The following RALGDS variants were observed in gnomAD, a reference collection of about 807,000 sequenced individuals.
RALGDS encodes ral guanine nucleotide dissociation stimulator, also known as ral guanine nucleotide exchange factor.
In RALGDS, 44 loss-of-function variants were observed where a neutral mutation model predicts 99.8. The ratio of observed to expected loss-of-function variants is 0.44; its 90% CI spans 0.35 to 0.57. The LOEUF (loss-of-function observed/expected upper bound fraction) is 0.57, where lower values mean the gene tolerates loss of function less well. RALGDS is among the 20% of genes least tolerant of loss of function. RALGDS has a pLI of 0.01. For synonymous variants in RALGDS, 529 were observed against 505.0 expected, an observed-to-expected ratio of 1.05 and a Z score of -0.64; for missense variants, 1,022 against 1,203.1, an observed-to-expected ratio of 0.85 and a Z score of 2.23.
chr9:133,106,051 G>A, intron 8 of RALGDS, 35 bp from the exon 9 acceptor site: 1 of 1,531,756 alleles, frequency 6.5e-7, no homozygotes, highest in Non-Finnish European at 9.0e-7. Flanking sequence ...GAGAAAGCTG[G>A]GAATGGTAGG....
intron 1 of RALGDS, among the ~76,000 whole-genome samples, chr9:133,139,639 C>T (rs1051579984): frequency 6.6e-6 from 1 of 152,158 alleles, no homozygotes. Flanking sequence ...CTCGCCTCCT[C>T]GGGGCCGTAG....
chr9:133,139,468 C>T (rs1250127140), intron 1 of RALGDS, among the ~76,000 whole-genome samples: 1 of 152,168 alleles, frequency 6.6e-6, no homozygotes, highest in Non-Finnish European at 1.5e-5. Context: ...CACCTGCCCA[C>T]TACCCCCAGC....
At chr9:133,133,477 GC>G (rs1832377460), upstream of RALGDS, among the ~76,000 whole-genome samples, 2 of 152,190 alleles carry the variant, frequency 1.3e-5, no homozygotes, top group Admixed American at 1.3e-4. Context: ...TTCCCTGCTG[GC>G]CAGGCCGCCA....
In RALGDS at chr9:133,107,227, T is replaced by C. The variant is rs1831109117; in HGVS notation, c.1271A>G (p.Glu424Gly). 2 of 1,613,632 alleles carry C rather than the reference T, an allele frequency of 1.2e-6. No individual in the cohort carries two copies. Among genetic ancestry groups the C allele is most frequent in the African/African-American group, 1.3e-5 (1 of 74,934 alleles). Residue 424 changes from glutamate to glycine, a missense_variant, in exon 7 of 18, where the codon GAG becomes GGG. By Grantham distance (98) the Glu-to-Gly change is moderately conservative. Around this residue, in one of 3 missense-constraint regions of RALGDS, gnomAD observed 825 missense variants for 994.5 expected, o/e 0.83. Coordinates refer to ENST00000372050, the MANE Select transcript of RALGDS (RefSeq NM_006266.4). ...IWSQRDKKGK[E>G]HLAPTIRATV... ...GGCGCGGATGGTGGGCGCCAGGTGC[T>C]CCTTGCCCTTCTTGTCCCGCTGGGA...
chr9:133,120,423 C>T (rs1831861179), intron 1 of RALGDS, among the ~76,000 whole-genome samples: 1 of 128,048 alleles, frequency 7.8e-6, no homozygotes, highest in Non-Finnish European at 1.7e-5. Context: ...CCACCCCATC[C>T]CCCGACCCCC....
At chr9:133,113,430 C>G (rs1831445001) in intron 1 of RALGDS, among the ~76,000 whole-genome samples, 1 of 152,208 alleles carries the variant, frequency 6.6e-6, no homozygotes, top group Admixed American at 6.5e-5. Flanking sequence ...GCCTCCCACG[C>G]TGGGCTTTGT....
At position 133,107,088 on chromosome 9, in the gene RALGDS, G is replaced by T; in HGVS notation, c.1410C>A (p.Ala470=). The change falls in exon 7 of 18, where the codon GCC becomes GCA. Residue 470 remains alanine, a synonymous_variant. Coordinates refer to ENST00000372050, the MANE Select transcript of RALGDS (RefSeq NM_006266.4). Reference sequence around the variant, plus strand: ...CCAGGCCCCTCCTCTGGCATACCCTGGCCACCTCGATCCAGTGCTCCACCA... The same window carrying T: ...CCAGGCCCCTCCTCTGGCATACCCTTGCCACCTCGATCCAGTGCTCCACCA... ...ARVVEHWIEV[A]RECRILKNFS... The T allele has an allele frequency of 6.2e-7, 1 of 1,613,420 alleles. No homozygotes were observed. Among genetic ancestry groups the T allele is most frequent in the Non-Finnish European group, 8.5e-7 (1 of 1,180,030 alleles).
chr9:133,101,197 G>C, intron 16 of RALGDS: 1 of 1,231,790 alleles, frequency 8.1e-7, no homozygotes, highest in Non-Finnish European at 1.0e-6. Context: ...CATTGCTCCT[G>C]TCTTCCTCCC....
chr9:133,109,574 C>T, intron 4 of RALGDS, 52 bp downstream of exon 4: 1 of 1,506,010 alleles, frequency 6.6e-7, no homozygotes, highest in Middle Eastern at 1.8e-4. Flanking sequence ...ATGTACTCTC[C>T]CACTGTTCGG....
chr9:133,143,867 C>T (rs891085054), intron 1 of RALGDS, among the ~76,000 whole-genome samples: 1 of 149,628 alleles, frequency 6.7e-6, no homozygotes, highest in Non-Finnish European at 1.5e-5. Context: ...GCCAGCGGCC[C>T]GCTGTGCACT....
chr9:133,133,867 C>T (rs540075174), upstream of RALGDS, among the ~76,000 whole-genome samples: 3 of 152,336 alleles, frequency 2.0e-5, no homozygotes, highest in South Asian at 4.1e-4. Context: ...GGGTGTGAGG[C>T]CCATTGTTTA....
upstream of RALGDS, among the ~76,000 whole-genome samples, chr9:133,124,264 G>A (rs558448361): frequency 6.8e-5 from 10 of 147,470 alleles, 1 homozygote; most frequent in South Asian, 6.6e-4. Context: ...AGACACAGAC[G>A]CACAGAGACA....
At position 133,098,705 on chromosome 9, in the gene RALGDS, T is replaced by C; in HGVS notation, c.2627A>G (p.Tyr876Cys). The change falls in exon 18 of 18, where the codon TAT (tyrosine) becomes TGT (cysteine). Residue 876 changes from tyrosine (Y) to cysteine (C), a missense_variant. Around this residue, in one of 3 missense-constraint regions of RALGDS, gnomAD observed 825 missense variants for 994.5 expected, o/e 0.83. Transcript: ENST00000372050. Reference protein sequence around the residue: ...VFYAMNSTANYDFVLKKRTFT... With the variant: ...VFYAMNSTANCDFVLKKRTFT... ...GGTCCGCTTCTTGAGGACAAAGTCATAGTTGGCGGTAGAGTTCATGGCATA... is the reference window on the plus strand; with the variant it reads ...GGTCCGCTTCTTGAGGACAAAGTCACAGTTGGCGGTAGAGTTCATGGCATA... The C allele has an allele frequency of 3.7e-6, 6 of 1,614,060 alleles. No homozygotes were observed. The highest frequency in any genetic ancestry group is 5.1e-6 in the Non-Finnish European group (6 of 1,179,964).
chr9:133,123,677 G>GAC (rs143167801), upstream of RALGDS, among the ~76,000 whole-genome samples: 6 of 152,068 alleles, frequency 3.9e-5, no homozygotes, highest in East Asian at 3.8e-4. Flanking sequence ...CTGTACATGA[G>GAC]ACACACACAC....
chr9:133,148,606 G>A (rs765075340), intron 1 of RALGDS, among the ~76,000 whole-genome samples: 15 of 152,252 alleles, frequency 9.9e-5, no homozygotes, highest in Non-Finnish European at 1.8e-4. Context: ...GTACGTGCGC[G>A]GAGAAGCCCA....
intron 1 of RALGDS, among the ~76,000 whole-genome samples, chr9:133,139,897 G>A (rs1213072239): frequency 6.6e-6 from 1 of 152,146 alleles, no homozygotes; most frequent in East Asian, 1.9e-4. Context: ...GGGTACAGAG[G>A]AGTTAAGGAA....
intron 1 of RALGDS, among the ~76,000 whole-genome samples, chr9:133,140,295 C>T (rs146818226): frequency 1.6e-3 from 241 of 151,942 alleles, no homozygotes; most frequent in African/African-American, 5.6e-3. Flanking sequence ...CCCACACACA[C>T]ATCTGGGATC....
chr9:133,104,157 G>T (rs942294451), intron 10 of RALGDS, 106 bp downstream of exon 10: 11 of 1,195,598 alleles, frequency 9.2e-6, no homozygotes, highest in Middle Eastern at 5.3e-4. Context: ...GTCCAGAGGA[G>T]GCTACCTCTA....
intron 8 of RALGDS, 130 bp downstream of exon 8, chr9:133,106,515 C>T: frequency 2.9e-6 from 2 of 690,356 alleles, no homozygotes; most frequent in Non-Finnish European, 5.2e-6. Flanking sequence ...GGCAGAGCTG[C>T]TGCCAACTCA....
Sources: allele counts gnomAD v4.1 joint callset (sites outside exome capture counted in the v4.1 genomes callset), GRCh38; gene constraint gnomAD v4.1.1; regional missense constraint gnomAD v4.1.1; transcripts MANE v1.5; gene names NCBI Gene and HGNC (gene_info 2026-07-23, HGNC 2026-07-21).